Variants in SREBF2 observed in about 807,000 individuals in gnomAD.
The protein encoded by SREBF2 is sterol regulatory element binding transcription factor 2.
Under a neutral mutation model 113.1 loss-of-function variants are expected in SREBF2, and 55 were observed. The observed-to-expected ratio is 0.49, with a 90% CI of 0.39 to 0.61. The LOEUF is 0.61. SREBF2 is among the 20% of genes least tolerant of loss of function. SREBF2 has a pLI of 0.00. For synonymous variants in SREBF2, 593 were observed against 605.7 expected, an observed-to-expected ratio of 0.98 and a Z score of 0.31; for missense variants, 1,349 against 1,487.4, an observed-to-expected ratio of 0.91 and a Z score of 1.53.
chr22:41,877,151 A>T (rs1046144412), intron 7 of SREBF2, 78 bp from the exon 8 acceptor site: 10 of 1,381,560 alleles, frequency 7.2e-6, no homozygotes, highest in Admixed American at 3.5e-5. Flanking sequence ...ACCATTTCTC[A>T]ATATATATAT....
chr22:41,879,293 A>G (rs577364251), intron 9 of SREBF2, among the ~76,000 whole-genome samples: 1 of 152,376 alleles, frequency 6.6e-6, no homozygotes, highest in Non-Finnish European at 1.5e-5. Flanking sequence ...ACGTTGACTC[A>G]AGGATAAGAG....
intron 17 of SREBF2, 181 bp from the exon 18 acceptor site, chr22:41,904,682 C>G (rs1185139075): frequency 1.4e-6 from 1 of 715,276 alleles, no homozygotes; most frequent in African/African-American, 1.7e-5. Flanking sequence ...AGCCAGGTTT[C>G]CTGCCTGGCT....
At position 41,905,676 on chromosome 22, in the gene SREBF2, C is replaced by T. The variant is rs1310980884; in HGVS notation, c.*16C>T. 3 of 1,556,976 alleles carry T rather than the reference C, an allele frequency of 1.9e-6. No individual in the cohort carries two copies. Among genetic ancestry groups the T allele is most frequent in the South Asian group, 2.4e-5 (2 of 84,632 alleles). On this transcript the variant is annotated 3_prime_UTR_variant, in exon 19 of 19. Transcript: ENST00000361204. The stretch of plus-strand genomic sequence containing the variant: ...CGCCTCCTGACCACCAGGCTCAGCC[C>T]ACCCCTCCACCTCTCTCTCGATTTC...
intron 16 of SREBF2, chr22:41,901,158 G>GCAT: frequency 2.8e-6 from 1 of 359,766 alleles, no homozygotes; most frequent in South Asian, 2.1e-5. Context: ...TGAAAGTGGA[G>GCAT]CATCACCTGG....
chr22:41,866,549 G>A (rs1382644897), intron 1 of SREBF2, among the ~76,000 whole-genome samples: 2 of 152,112 alleles, frequency 1.3e-5, no homozygotes, highest in Non-Finnish European at 2.9e-5. Flanking sequence ...GGAAGACTCC[G>A]TCTCAAAAAG....
At chr22:41,886,536 T>A (rs985886836) in intron 11 of SREBF2, among the ~76,000 whole-genome samples, 1 of 152,178 alleles carries the variant, frequency 6.6e-6, no homozygotes, top group South Asian at 2.1e-4. Flanking sequence ...ACATTTTAAC[T>A]TACGGCTTGA....
At position 41,833,280 on chromosome 22, in the gene SREBF2, A is replaced by G. The variant is rs1178564832; in HGVS notation, c.10A>G (p.Ser4Gly). 48 of 1,420,456 alleles carry G rather than the reference A, an allele frequency of 3.4e-5. No homozygotes were observed. The highest frequency in any genetic ancestry group is 4.3e-5 in the Non-Finnish European group (46 of 1,070,964). The allele number at this position is 1,420,456 out of a possible 1,614,324, so 88.0% of individuals were successfully genotyped here. A position where few individuals can be genotyped will look rare whatever the true frequency, so the allele number is the denominator to read the frequency against. Residue 4 changes from serine (S) to glycine (G), a missense_variant, in exon 1 of 19, where the codon AGC (serine) becomes GGC (glycine). Ser to Gly is a moderately conservative substitution (Grantham distance 56). Around this residue, in one of 2 missense-constraint regions of SREBF2, gnomAD observed 699 missense variants for 843.3 expected, o/e 0.83. Coordinates refer to ENST00000361204, the MANE Select transcript of SREBF2 (RefSeq NM_004599.4). This position sits in a 1 kb window ranked among gnomAD's most constrained non-coding sequence, Gnocchi z 4.1. ...TGCGCTGAGCCGGGCGATGGACGACAGCGGCGAGCTGGGTGGTCTGGAGAC... is the reference window on the plus strand; with the variant it reads ...TGCGCTGAGCCGGGCGATGGACGACGGCGGCGAGCTGGGTGGTCTGGAGAC... MDD[S>G]GELGGLETME...
intron 18 of SREBF2, 101 bp from the exon 19 acceptor site, chr22:41,905,339 G>A: frequency 8.5e-7 from 1 of 1,173,606 alleles, no homozygotes; most frequent in Non-Finnish European, 1.2e-6. Context: ...CCACCTCCCA[G>A]GATGGATGTG....
rs2157590 is a variant in SREBF2, at chr22:41,905,708, T to A, written c.*48T>A. On this transcript the variant is annotated 3_prime_UTR_variant, in exon 19 of 19. Coordinates refer to ENST00000361204, the MANE Select transcript of SREBF2 (RefSeq NM_004599.4). ...CCACCTCTCTCTCGATTTCTCTCTC[T>A]CCCCCTCAGCATCTTCCCGCTGAGA... 6.6e-7 allele frequency: 1 copy of A among 1,507,202 alleles called. No individual in the cohort carries two copies. Among genetic ancestry groups the A allele is most frequent in the Non-Finnish European group, 9.0e-7 (1 of 1,107,804 alleles). 93.4% of individuals were successfully genotyped at this position (1,507,202 alleles called of 1,614,324 possible). A position where few individuals can be genotyped will look rare whatever the true frequency, so the allele number is the denominator to read the frequency against.
intron 1 of SREBF2, among the ~76,000 whole-genome samples, chr22:41,837,688 G>A (rs1296794983): frequency 4.0e-5 from 6 of 150,560 alleles, no homozygotes; most frequent in Admixed American, 6.6e-5. Context: ...GAGAAACCCC[G>A]TCTCTACTAA....
chr22:41,869,609 A>G (rs968729124), intron 3 of SREBF2, among the ~76,000 whole-genome samples: 102 of 147,504 alleles, frequency 6.9e-4, no homozygotes, highest in African/African-American at 2.3e-3. Context: ...TCAGCCTCCC[A>G]AGTAGCTGGG....
At chr22:41,895,342 T>C (rs904187919) in intron 13 of SREBF2, among the ~76,000 whole-genome samples, 13 of 151,380 alleles carry the variant, frequency 8.6e-5, no homozygotes, top group Non-Finnish European at 1.3e-4. Flanking sequence ...GGTTTCACCA[T>C]GTTAGCCAGG....
intron 4 of SREBF2, 34 bp downstream of exon 4, chr22:41,871,069 C>A: frequency 1.2e-6 from 2 of 1,613,222 alleles, no homozygotes; most frequent in Non-Finnish European, 8.5e-7. Context: ...CCTCCTCCCT[C>A]CCCCTTTATT....
chr22:41,879,477 G>C (rs1405609155), intron 9 of SREBF2, among the ~76,000 whole-genome samples: 1 of 152,158 alleles, frequency 6.6e-6, no homozygotes, highest in East Asian at 1.9e-4. Flanking sequence ...GAATTGGACT[G>C]GGGAGTCAGG....
At chr22:41,852,272 A>G (rs1401150356) in intron 1 of SREBF2, among the ~76,000 whole-genome samples, 1 of 152,126 alleles carries the variant, frequency 6.6e-6, no homozygotes, top group African/African-American at 2.4e-5. Flanking sequence ...TTTTCTGTGT[A>G]TTGATATATA....
At chr22:41,869,862 C>CTT (rs139907976) in intron 3 of SREBF2, among the ~76,000 whole-genome samples, 20 of 138,360 alleles carry the variant, frequency 1.4e-4, no homozygotes, top group African/African-American at 3.9e-4. Context: ...CCTCTTTTTT[C>CTT]TTTTTTTTTT....
At chr22:41,889,231 A>G (rs2077331718) in intron 11 of SREBF2, among the ~76,000 whole-genome samples, 1 of 152,076 alleles carries the variant, frequency 6.6e-6, no homozygotes, top group African/African-American at 2.4e-5. Flanking sequence ...GGCTCAAGTG[A>G]TCATCCCACC....
At chr22:41,846,501 G>A (rs1162755708) in intron 1 of SREBF2, among the ~76,000 whole-genome samples, 2 of 152,216 alleles carry the variant, frequency 1.3e-5, no homozygotes, top group Admixed American at 1.3e-4. Flanking sequence ...GGTCGGGTCT[G>A]ATGATGGACA....
At chr22:41,903,964 C>G (rs1465122148) in intron 17 of SREBF2, among the ~76,000 whole-genome samples, 1 of 152,228 alleles carries the variant, frequency 6.6e-6, no homozygotes, top group Non-Finnish European at 1.5e-5. Context: ...GGCATGTACC[C>G]CAGGCCTGGA....
Sources: allele counts gnomAD v4.1 joint callset (sites outside exome capture counted in the v4.1 genomes callset), GRCh38; gene constraint gnomAD v4.1.1; regional missense constraint gnomAD v4.1.1; non-coding constraint Gnocchi (gnomAD v3.1); transcripts MANE v1.5; gene names NCBI Gene and HGNC (gene_info 2026-07-23, HGNC 2026-07-21).